Variants in TOX4 observed in about 807,000 individuals in gnomAD.
The protein encoded by TOX4 is TOX high mobility group box family member 4.
Under a neutral mutation model 61.0 loss-of-function variants are expected in TOX4, and 12 were observed. The observed-to-expected ratio is 0.20, with a 90% CI of 0.13 to 0.32. The LOEUF (loss-of-function observed/expected upper bound fraction) is 0.32, where lower values mean the gene tolerates loss of function less well. TOX4 is among the 10% of genes least tolerant of loss of function. The pLI is 1.00. For synonymous variants in TOX4, 268 were observed against 274.8 expected (o/e 0.98, Z 0.24); for missense variants, 499 against 753.3 (o/e 0.66, Z 3.95).
At chr14:21,489,115 C>T in intron 4 of TOX4, 58 bp from the exon 5 acceptor site, 1 of 1,541,684 alleles carries the variant, frequency 6.5e-7, no homozygotes, top group East Asian at 2.3e-5. Context: ...TGGCTAGTTT[C>T]CAGACATAAT....
At position 21,498,376 on chromosome 14, in the gene TOX4, CAG is replaced by C; in HGVS notation, c.*1771_*1772del. 6.2e-7 allele frequency: 1 copy of C among 1,613,954 alleles called. No individual in the cohort carries two copies. The highest frequency in any genetic ancestry group is 8.5e-7 in the Non-Finnish European group (1 of 1,179,964). ...TTGGTTTCCAAGGGTGATCCTGAAACAGTGTAAAAGGAGGGGCAAACCAGAAA... is the reference window on the plus strand; with the variant it reads ...TTGGTTTCCAAGGGTGATCCTGAAACTGTAAAAGGAGGGGCAAACCAGAAA... On this transcript the variant is annotated 3_prime_UTR_variant, in exon 9 of 9. Transcript: ENST00000448790.
At chr14:21,479,602 T>C (rs7157961) in intron 2 of TOX4, among the ~76,000 whole-genome samples, 142,287 of 152,190 alleles carry the variant, frequency 0.93, 66,689 homozygotes, top group African/African-American at 0.98. Flanking sequence ...GAGCCGAGAT[T>C]GCGCCATTGT....
intron 2 of TOX4, among the ~76,000 whole-genome samples, chr14:21,484,329 CTTTTTTTTTTTTTTTTTTT>C (rs533570141): frequency 8.6e-4 from 38 of 44,234 alleles, no homozygotes; most frequent in East Asian, 7.2e-3. Flanking sequence ...CTAGCAATGT[CTTTTTTTTTTTTTTTTTTT>C]TTTTTTTTTT....
At position 21,477,258 on chromosome 14, in the gene TOX4, G is replaced by T; in HGVS notation, c.-21G>T. 1.9e-6 allele frequency: 3 copies of T among 1,614,056 alleles called. No homozygotes were observed. Among genetic ancestry groups the T allele is most frequent in the Non-Finnish European group, 2.5e-6 (3 of 1,179,998 alleles). On this transcript the variant is annotated 5_prime_UTR_variant, in exon 1 of 9. Transcript: ENST00000448790. ...GGTGGGAGCGATGAGGGTCTGAGAC[G>T]GTGGGAGCGGTTGTGTGAAGATGGA...
chr14:21,477,710 A>G, intron 2 of TOX4, 146 bp downstream of exon 2: 1 of 838,410 alleles, frequency 1.2e-6, no homozygotes, highest in Non-Finnish European at 1.9e-6. Flanking sequence ...GGTTGCTTCT[A>G]GAGCCTGTGG....
intron 2 of TOX4, among the ~76,000 whole-genome samples, chr14:21,487,105 C>G (rs1891202227): frequency 6.6e-6 from 1 of 152,078 alleles, no homozygotes; most frequent in South Asian, 2.1e-4. Context: ...TTTCAAGAAT[C>G]ATAGTAAACA....
rs181635993 is a variant in TOX4 at position 21,486,150 on chromosome 14, G to A, written c.76-1301G>A. Among the ~76,000 whole-genome samples the A allele has an allele frequency of 5.2e-4, 54 of 102,992 alleles. 16 individuals are homozygous for A. Among genetic ancestry groups the A allele is most frequent in the Admixed American group, 4.0e-3 (45 of 11,358 alleles). 67.6% of individuals were successfully genotyped at this position (102,992 alleles called of 152,430 possible). On this transcript the variant is annotated intron_variant, in intron 2 of 8. Transcript: ENST00000448790. ...CCAGGAGTTCCAGATCAGCTTGGGT[G>A]ACAGGGCAAGACCCCATCTCAAAAA... is the stretch of plus-strand genomic sequence containing the variant.
chr14:21,498,594 C>G lies in TOX4; in HGVS notation c.*1988C>G. The G allele has an allele frequency of 1.8e-6, 1 of 565,090 alleles. No homozygotes were observed. The highest frequency in any genetic ancestry group is 2.4e-5 in the South Asian group (1 of 41,644). 35.0% of individuals were successfully genotyped at this position (565,090 alleles called of 1,614,324 possible). A position where few individuals can be genotyped will look rare whatever the true frequency, so the allele number is the denominator to read the frequency against. On this transcript the variant is annotated 3_prime_UTR_variant, in exon 9 of 9. Transcript: ENST00000448790. ...ATCTGTATTATCTGAGGGTTAGTAACTAATGCTTAGCCAGGCCTGCTTCAC... is the reference window on the plus strand; with the variant it reads ...ATCTGTATTATCTGAGGGTTAGTAAGTAATGCTTAGCCAGGCCTGCTTCAC...
intron 5 of TOX4, among the ~76,000 whole-genome samples, chr14:21,490,479 AAAT>A (rs1158304062): frequency 1.3e-5 from 2 of 152,184 alleles, no homozygotes; most frequent in Non-Finnish European, 2.9e-5. Context: ...CCATCTCAAA[AAAT>A]AATAATAATT....
Position 21,498,061 on chromosome 14 carries a change from T to C in TOX4, c.*1455T>C. On this transcript the variant is annotated 3_prime_UTR_variant, in exon 9 of 9. Coordinates refer to ENST00000448790, the MANE Select transcript of TOX4 (RefSeq NM_014828.4). ...GCAACCCAATGAGGTAATACTCCCATTTCACATATAATACTGAGAGATGAG... is the reference window on the plus strand; with the variant it reads ...GCAACCCAATGAGGTAATACTCCCACTTCACATATAATACTGAGAGATGAG... 1.8e-6 allele frequency: 1 copy of C among 563,012 alleles called. No individual in the cohort carries two copies. The highest frequency in any genetic ancestry group is 3.2e-5 in the Admixed American group (1 of 31,534). 34.9% of individuals were successfully genotyped at this position (563,012 alleles called of 1,614,324 possible).
chr14:21,488,648 T>C lies in TOX4; in HGVS notation c.377T>C (p.Val126Ala). 6.2e-7 allele frequency: 1 copy of C among 1,614,182 alleles called. No individual in the cohort carries two copies. The highest frequency in any genetic ancestry group is 8.5e-7 in the Non-Finnish European group (1 of 1,180,028). The change falls in exon 4 of 9, where the codon GTA becomes GCA. Residue 126 changes from valine (V) to alanine (A), a missense_variant. Val to Ala is a moderately conservative substitution (Grantham distance 64). Coordinates refer to ENST00000448790, the MANE Select transcript of TOX4 (RefSeq NM_014828.4). ...GCCAACCCACCTGTTACAATTGATG[T>C]ACCAATGACAGACATGACATCTGGC... Reference protein sequence around the residue: ...YSANPPVTIDVPMTDMTSGLM... With the variant: ...YSANPPVTIDAPMTDMTSGLM...
chr14:21,481,868 G>A (rs1891113609), intron 2 of TOX4, among the ~76,000 whole-genome samples: 1 of 152,100 alleles, frequency 6.6e-6, no homozygotes, highest in Non-Finnish European at 1.5e-5. Flanking sequence ...GTCAAGAATA[G>A]GCAAAACTGA....
At chr14:21,493,711 T>C (rs1326922059) in intron 7 of TOX4, among the ~76,000 whole-genome samples, 1 of 152,174 alleles carries the variant, frequency 6.6e-6, no homozygotes, top group African/African-American at 2.4e-5. Flanking sequence ...AGTGCTGGGA[T>C]TACAGGTGTG....
chr14:21,488,381 CT>C, intron 3 of TOX4: 1 of 568,338 alleles, frequency 1.8e-6, no homozygotes, highest in South Asian at 2.4e-5. Flanking sequence ...TTTAGTTCTT[CT>C]TTTGAGTGCA....
At chr14:21,494,432 C>T (rs1401060861) in intron 7 of TOX4, among the ~76,000 whole-genome samples, 2 of 151,728 alleles carry the variant, frequency 1.3e-5, no homozygotes, top group African/African-American at 4.8e-5. Flanking sequence ...ATGGTGAAAC[C>T]CTGTTTCTAC....
intron 8 of TOX4, 125 bp downstream of exon 8, chr14:21,495,517 T>C (rs1891381715): frequency 8.6e-7 from 1 of 1,160,628 alleles, no homozygotes; most frequent in East Asian, 2.6e-5. Flanking sequence ...GGTTGCTGTA[T>C]CTGGTCTACT....
intron 2 of TOX4, among the ~76,000 whole-genome samples, chr14:21,479,856 T>C (rs1443117540): frequency 6.6e-6 from 1 of 152,238 alleles, no homozygotes; most frequent in East Asian, 1.9e-4. Flanking sequence ...AATTTTACGT[T>C]GGCCTCGTTC....
At chr14:21,493,774 G>C (rs1263119459) in intron 7 of TOX4, among the ~76,000 whole-genome samples, 4 of 149,762 alleles carry the variant, frequency 2.7e-5, no homozygotes. Context: ...TTCTTGAGAC[G>C]GAGTCTCGCT....
chr14:21,495,104 T>C, intron 7 of TOX4, 125 bp from the exon 8 acceptor site: 1 of 1,046,800 alleles, frequency 9.6e-7, no homozygotes, highest in East Asian at 2.4e-5. Context: ...CTTCTGCAGT[T>C]TTGCCCCCCA....
Sources: allele counts gnomAD v4.1 joint callset (sites outside exome capture counted in the v4.1 genomes callset), GRCh38; gene constraint gnomAD v4.1.1; transcripts MANE v1.5; gene names NCBI Gene and HGNC (gene_info 2026-07-23, HGNC 2026-07-21).